Variants in COL23A1 observed in about 807,000 individuals in gnomAD.
COL23A1 encodes collagen alpha-1(XXIII) chain.
In COL23A1, 97 loss-of-function variants were observed where a neutral mutation model predicts 99.3. The ratio of observed to expected loss-of-function variants is 0.98; its 90% CI spans 0.83 to 1.16. The LOEUF (loss-of-function observed/expected upper bound fraction) is 1.16, where lower values mean the gene tolerates loss of function less well. COL23A1 is among the 50% of genes most tolerant of loss of function. COL23A1 has a pLI of 0.00. For synonymous variants in COL23A1, 320 were observed against 308.2 expected (o/e 1.04, Z -0.40); for missense variants, 762 against 757.4 (o/e 1.01, Z -0.07).
At chr5:178,348,440 C>A (rs748081) in intron 2 of COL23A1, among the ~76,000 whole-genome samples, 1 of 151,974 alleles carries the variant, frequency 6.6e-6, no homozygotes, top group Admixed American at 6.5e-5. Flanking sequence ...CCACCCCCAC[C>A]GCAGCCCTGT....
At chr5:178,284,337 C>T (rs1385942444) in intron 5 of COL23A1, among the ~76,000 whole-genome samples, 2 of 152,082 alleles carry the variant, frequency 1.3e-5, no homozygotes, top group Non-Finnish European at 2.9e-5. Context: ...AAAATATGCC[C>T]TAAATTAAAA....
rs1763724296 is a variant in COL23A1 at position 178,387,269 on chromosome 5, T to TAA, written c.362-80351_362-80350insTT. Among the ~76,000 whole-genome samples, 2 of 152,126 alleles carry TAA rather than the reference T, an allele frequency of 1.3e-5. No individual in the cohort carries two copies. The highest frequency in any genetic ancestry group is 2.9e-5 in the Non-Finnish European group (2 of 68,014). On this transcript the variant is annotated intron_variant, in intron 2 of 28. Transcript: ENST00000390654. The surrounding 1 kb of genome is among the most constrained non-coding windows in gnomAD (Gnocchi z 4.7). The stretch of plus-strand genomic sequence containing the variant: ...TCTGTAGCCTGGTGATCACCCCTTA[T>TAA]GCCTGGGCCCAGACTCCCCACTTCT...
rs1164512013 is a variant in COL23A1, at chr5:178,313,558, C to T, written c.362-6639G>A. 6.6e-6 allele frequency among the ~76,000 whole-genome samples: 1 copy of T among 152,098 alleles called. No homozygotes were observed. The highest frequency in any genetic ancestry group is 1.5e-5 in the Non-Finnish European group (1 of 68,010). ...CCAAGGTCACACAGTGGAGAAATGG[C>T]GGAACTGGAACTGGAACCCGGGTCT... On this transcript the variant is annotated intron_variant, in intron 2 of 28. Coordinates refer to ENST00000390654, the MANE Select transcript of COL23A1 (RefSeq NM_173465.4). The surrounding 1 kb of genome is among the most constrained non-coding windows in gnomAD (Gnocchi z 4.2).
chr5:178,473,363 C>A (rs1424432060), intron 2 of COL23A1, among the ~76,000 whole-genome samples: 1 of 151,840 alleles, frequency 6.6e-6, no homozygotes, highest in African/African-American at 2.4e-5. Flanking sequence ...GGCACAATCA[C>A]AGCTCACTGC....
In COL23A1 at chr5:178,374,333, C is replaced by T. The variant is rs115629363; in HGVS notation, c.362-67414G>A. On this transcript the variant is annotated intron_variant, in intron 2 of 28. Transcript: ENST00000390654. Reference sequence around the variant, plus strand: ...CTGCACAAACTCTTCCTCTCCCTTCCAGGCCCAGTTCAACAGTCACTTCCT... The same window carrying T: ...CTGCACAAACTCTTCCTCTCCCTTCTAGGCCCAGTTCAACAGTCACTTCCT... Among the ~76,000 whole-genome samples the T allele has an allele frequency of 8.7e-3, 1,325 of 152,270 alleles. 21 individuals are homozygous for T. Among genetic ancestry groups the T allele is most frequent in the African/African-American group, 0.03 (1,263 of 41,544 alleles).
intron 11 of COL23A1, among the ~76,000 whole-genome samples, chr5:178,260,822 T>C (rs1581473477): frequency 6.6e-6 from 1 of 151,854 alleles, no homozygotes; most frequent in African/African-American, 2.4e-5. Flanking sequence ...ATCAGTGGTG[T>C]CAGGGGCTAG....
At chr5:178,282,949 C>G (rs1427620645) in intron 5 of COL23A1, among the ~76,000 whole-genome samples, 4 of 152,160 alleles carry the variant, frequency 2.6e-5, no homozygotes, top group Admixed American at 2.6e-4. Flanking sequence ...TGGCTCACTG[C>G]AACCTCTGCC....
chr5:178,361,111 C>T (rs1305680778), intron 2 of COL23A1, among the ~76,000 whole-genome samples: 2 of 152,146 alleles, frequency 1.3e-5, no homozygotes, highest in Non-Finnish European at 2.9e-5. Context: ...CCACTCACAC[C>T]ATGTTTTTAA....
intron 2 of COL23A1, among the ~76,000 whole-genome samples, chr5:178,319,469 T>C (rs957905901): frequency 2.0e-5 from 3 of 152,156 alleles, no homozygotes; most frequent in African/African-American, 7.2e-5. Flanking sequence ...GTAACCTGCC[T>C]GCTAAAAGCC....
chr5:178,512,755 C>G (rs148592595), intron 2 of COL23A1, among the ~76,000 whole-genome samples: 3 of 152,190 alleles, frequency 2.0e-5, no homozygotes, highest in Non-Finnish European at 1.5e-5. Context: ...CCCCCTTCCA[C>G]GCAGCCCCAA....
chr5:178,426,809 G>T (rs1158578147), intron 2 of COL23A1, among the ~76,000 whole-genome samples: 1 of 152,176 alleles, frequency 6.6e-6, no homozygotes, highest in African/African-American at 2.4e-5. Context: ...TGGGCCAAAG[G>T]CCTTCACAGA....
intron 2 of COL23A1, among the ~76,000 whole-genome samples, chr5:178,449,291 T>G (rs1187112337): frequency 6.6e-6 from 1 of 152,180 alleles, no homozygotes; most frequent in Non-Finnish European, 1.5e-5. Context: ...TGGCCCTGTC[T>G]TCCCCCACGT....
At chr5:178,324,616 A>C (rs1759537469) in intron 2 of COL23A1, among the ~76,000 whole-genome samples, 1 of 152,088 alleles carries the variant, frequency 6.6e-6, no homozygotes, top group Non-Finnish European at 1.5e-5. Context: ...CACTCTACCA[A>C]GGGAGGGCGA....
chr5:178,364,862 C>A (rs1393868573), intron 2 of COL23A1, among the ~76,000 whole-genome samples: 1 of 152,206 alleles, frequency 6.6e-6, no homozygotes, highest in African/African-American at 2.4e-5. Context: ...GGTTTCAGGG[C>A]ACACTGCAGG....
intron 2 of COL23A1, among the ~76,000 whole-genome samples, chr5:178,315,946 G>A (rs545614138): frequency 2.6e-5 from 4 of 152,110 alleles, no homozygotes; most frequent in African/African-American, 4.8e-5. Context: ...TAAACAATAG[G>A]TTTTATTCAC....
intron 2 of COL23A1, among the ~76,000 whole-genome samples, chr5:178,482,896 C>T (rs1219910224): frequency 1.3e-5 from 2 of 150,882 alleles, no homozygotes; most frequent in East Asian, 1.9e-4. Flanking sequence ...AGAGAGACTC[C>T]ATCTCAAAAA....
Position 178,490,503 on chromosome 5 carries a change from G to A in COL23A1, c.361+70179C>T, listed in dbSNP as rs1757871745. On this transcript the variant is annotated intron_variant, in intron 2 of 28. Coordinates refer to ENST00000390654, the MANE Select transcript of COL23A1 (RefSeq NM_173465.4). Reference sequence around the variant, plus strand: ...AGTTTCAGTTGCGGAAGATGAAAATGTTCTGGAGAAGGATGGTGGTGATGG... The same window carrying A: ...AGTTTCAGTTGCGGAAGATGAAAATATTCTGGAGAAGGATGGTGGTGATGG... Among the ~76,000 whole-genome samples, 3 of 152,108 alleles carry A rather than the reference G, an allele frequency of 2.0e-5. No individual in the cohort carries two copies. In the South Asian group the frequency reaches 6.2e-4, roughly 32 times the overall value.
intron 1 of COL23A1, among the ~76,000 whole-genome samples, chr5:178,580,185 G>A (rs187023368): frequency 2.0e-5 from 3 of 152,124 alleles, no homozygotes; most frequent in Non-Finnish European, 4.4e-5. Flanking sequence ...AAACTTAGCC[G>A]GGTGTGATGG....
At chr5:178,375,362 A>G (rs529950827) in intron 2 of COL23A1, among the ~76,000 whole-genome samples, 1 of 152,330 alleles carries the variant, frequency 6.6e-6, no homozygotes, top group African/African-American at 2.4e-5. Context: ...TGGATTCTCC[A>G]AACCCTACCG....
Sources: allele counts gnomAD v4.1 joint callset (sites outside exome capture counted in the v4.1 genomes callset), GRCh38; gene constraint gnomAD v4.1.1; non-coding constraint Gnocchi (gnomAD v3.1); transcripts MANE v1.5; gene names NCBI Gene and HGNC (gene_info 2026-07-23, HGNC 2026-07-21).